LSM8: variants seen among roughly 807,000 people sequenced by gnomAD.
The protein encoded by LSM8 is LSM8 homolog, U6 small nuclear RNA associated.
In LSM8, 14 loss-of-function variants were observed where a neutral mutation model predicts 15.0. That is an observed-to-expected ratio of 0.93 (90% CI 0.62 to 1.46). LSM8 has a LOEUF of 1.46. Ranked by LOEUF, LSM8 falls within the 40% of genes most tolerant of loss-of-function variation. LSM8 has a pLI of 0.00. For synonymous variants in LSM8, 50 were observed against 42.1 expected (o/e 1.19, Z -0.73); for missense variants, 90 against 115.4 (o/e 0.78, Z 1.01).
intron 3 of LSM8, chr7:118,190,449 G>A (rs368602876): frequency 6.6e-6 from 1 of 152,128 alleles, no homozygotes; most frequent in Admixed American, 6.5e-5. Context: ...AAAGCATATT[G>A]TTATATTTTA....
chr7:118,192,213 T>A lies in LSM8; in HGVS notation c.*211T>A, dbSNP rs760199400. 2 of 368,472 alleles carry A rather than the reference T, an allele frequency of 5.4e-6. No individual in the cohort carries two copies. Among genetic ancestry groups the A allele is most frequent in the Non-Finnish European group, 4.8e-6 (1 of 206,712 alleles). The allele number at this position is 368,472 out of a possible 1,614,324, so 22.8% of individuals were successfully genotyped here. On this transcript the variant is annotated 3_prime_UTR_variant, in exon 4 of 4. Coordinates refer to ENST00000249299, the MANE Select transcript of LSM8 (RefSeq NM_016200.5). ...GTTTGGTAGCTTGGTTTCTTTTTTT[T>A]ATTAAATAGTGTGAAAATATAATGG... is the stretch of plus-strand genomic sequence containing the variant.
intron 1 of LSM8, 196 bp from the exon 2 acceptor site, chr7:118,185,458 C>G (rs1808870773): frequency 1.8e-6 from 1 of 553,966 alleles, no homozygotes; most frequent in African/African-American, 1.9e-5. Flanking sequence ...GTTGCCCAAG[C>G]TGGTCTCACC....
intron 2 of LSM8, 55 bp from the exon 3 acceptor site, chr7:118,188,223 C>T: frequency 6.3e-7 from 1 of 1,581,402 alleles, no homozygotes; most frequent in Non-Finnish European, 8.7e-7. Context: ...GTTAAATTTA[C>T]ACTTTCAGGT....
At chr7:118,184,486 ATT>A (rs1312896854) in intron 1 of LSM8, 6 of 437,828 alleles carry the variant, frequency 1.4e-5, no homozygotes, top group African/African-American at 2.1e-5. Flanking sequence ...ACCCAGTGTG[ATT>A]ATTCCGAACT....
chr7:118,188,178 G>T (rs920291320), intron 2 of LSM8, 100 bp from the exon 3 acceptor site: 11 of 1,333,750 alleles, frequency 8.2e-6, no homozygotes, highest in Non-Finnish European at 1.1e-5. Flanking sequence ...ATAGGTACTT[G>T]TATTGGAATA....
chr7:118,184,746 G>T (rs914018114), intron 1 of LSM8: 1 of 152,548 alleles, frequency 6.6e-6, no homozygotes, highest in South Asian at 2.0e-4. Context: ...GAAAAAAAAT[G>T]GTTGCTGTTG....
rs1809189898 is a variant in LSM8, at chr7:118,202,722, GA to G, written c.*10725del. The stretch of plus-strand genomic sequence containing the variant: ...CAAATAAAAAAAGGGTTGCTGTTAG[GA>G]AAAAGAGAAGAATGGGGATGGGGTG... On this transcript the variant is annotated 3_prime_UTR_variant, in exon 4 of 4. Coordinates refer to ENST00000249299, the MANE Select transcript of LSM8 (RefSeq NM_016200.5). Among the ~76,000 whole-genome samples the G allele has an allele frequency of 2.1e-5, 3 of 140,854 alleles. No individual in the cohort carries two copies. Among genetic ancestry groups the G allele is most frequent in the Admixed American group, 7.4e-5 (1 of 13,550 alleles). 92.4% of individuals were successfully genotyped at this position (140,854 alleles called of 152,430 possible).
In LSM8 at chr7:118,188,306, T is replaced by C; in HGVS notation, c.101T>C (p.Ile34Thr). 6.2e-7 allele frequency: 1 copy of C among 1,613,612 alleles called. No homozygotes were observed. Among genetic ancestry groups the C allele is most frequent in the African/African-American group, 1.3e-5 (1 of 75,038 alleles). The change falls in exon 3 of 4, where the codon ATT (isoleucine) becomes ACT (threonine). Residue 34 changes from isoleucine (I) to threonine (T), a missense_variant. Coordinates refer to ENST00000249299, the MANE Select transcript of LSM8 (RefSeq NM_016200.5). ...VGTLKGFDQT[I>T]NLILDESHER... ...ACACTGAAAGGTTTTGACCAGACCA[T>C]TAATTTGATTTTGGATGAAAGCCAT...
intron 1 of LSM8, 90 bp from the exon 2 acceptor site, chr7:118,185,564 A>G: frequency 3.4e-6 from 4 of 1,186,704 alleles, no homozygotes; most frequent in Non-Finnish European, 5.0e-6. Context: ...TAGTTGTCAT[A>G]TTTATTCTAA....
intron 1 of LSM8, 36 bp downstream of exon 1, chr7:118,184,290 G>T (rs531194145): frequency 6.2e-6 from 9 of 1,461,828 alleles, no homozygotes; most frequent in South Asian, 1.3e-5. Flanking sequence ...CGTGAGCCGG[G>T]GTCGCGGAGA....
rs936308237 is a variant in LSM8, at chr7:118,195,714, TATTAA to T, written c.*3721_*3725del. Among the ~76,000 whole-genome samples the T allele has an allele frequency of 2.7e-4, 41 of 152,240 alleles. No individual in the cohort carries two copies. Among genetic ancestry groups the T allele is most frequent in the African/African-American group, 9.6e-4 (40 of 41,468 alleles). ...TCATTACCTCATATAGATTTAATTTTATTAAATTAAATTTTACTTATTTTGGGTTT... is the reference window on the plus strand; with the variant it reads ...TCATTACCTCATATAGATTTAATTTTATTAAATTTTACTTATTTTGGGTTT... On this transcript the variant is annotated 3_prime_UTR_variant, in exon 4 of 4. Transcript: ENST00000249299.
Position 118,185,299 on chromosome 7 carries a change from G to T in LSM8, c.32-355G>T, listed in dbSNP as rs181153355. ...TTTGAGTCGAGGGTCTCACTCTGTT[G>T]CCCAGGCTGGAGTGCAGTGGCTTGA... On this transcript the variant is annotated intron_variant, in intron 1 of 3. Coordinates refer to ENST00000249299, the MANE Select transcript of LSM8 (RefSeq NM_016200.5). The T allele has an allele frequency of 1.5e-4, 24 of 158,982 alleles. No homozygotes were observed. The East Asian group carries it at 2.5e-3, about 16-fold the overall frequency. The allele number at this position is 158,982 out of a possible 1,614,324, so 9.8% of individuals were successfully genotyped here. A position where few individuals can be genotyped will look rare whatever the true frequency, so the allele number is the denominator to read the frequency against.
intron 2 of LSM8, among the ~76,000 whole-genome samples, chr7:118,186,501 G>C (rs1265706727): frequency 6.6e-6 from 1 of 151,358 alleles, no homozygotes; most frequent in East Asian, 1.9e-4. Flanking sequence ...TTTTTTCACT[G>C]GGTCCTTAGT....
chr7:118,197,616 T>G lies in LSM8; in HGVS notation c.*5614T>G, dbSNP rs1042579578. 4.6e-5 allele frequency among the ~76,000 whole-genome samples: 7 copies of G among 152,158 alleles called. No individual in the cohort carries two copies. Among genetic ancestry groups the G allele is most frequent in the Non-Finnish European group, 1.0e-4 (7 of 68,026 alleles). ...TTTTATTTTAAAATTTAAATTTTTA[T>G]TTTAAAAAATAGCTCTCTGAATCTG... On this transcript the variant is annotated 3_prime_UTR_variant, in exon 4 of 4. Transcript: ENST00000249299.
intron 2 of LSM8, 128 bp downstream of exon 2, chr7:118,185,822 G>GA: frequency 1.3e-6 from 1 of 777,388 alleles, no homozygotes; most frequent in Non-Finnish European, 2.1e-6. Context: ...TTATAATTCA[G>GA]CTCTTTATCA....
At chr7:118,185,576 A>C in intron 1 of LSM8, 78 bp from the exon 2 acceptor site, 1 of 1,287,882 alleles carries the variant, frequency 7.8e-7, no homozygotes, top group South Asian at 1.2e-5. Context: ...TTATTCTAAA[A>C]ATTCAAATCA....
chr7:118,202,708 AG>A lies in LSM8; in HGVS notation c.*10709del, dbSNP rs769048765. Among the ~76,000 whole-genome samples the A allele has an allele frequency of 6.6e-6, 1 of 150,462 alleles. No homozygotes were observed. The highest frequency in any genetic ancestry group is 2.5e-5 in the African/African-American group (1 of 40,814). ...ACATTTTGCCACTCCAAATAAAAAA[AG>A]GGTTGCTGTTAGGAAAAAGAGAAGA... On this transcript the variant is annotated 3_prime_UTR_variant, in exon 4 of 4. Transcript: ENST00000249299.
intron 1 of LSM8, 120 bp from the exon 2 acceptor site, chr7:118,185,534 C>A: frequency 1.2e-6 from 1 of 833,554 alleles, no homozygotes; most frequent in Non-Finnish European, 2.0e-6. Context: ...AACTTAGTGG[C>A]TGTGTTGAAT....
chr7:118,184,328 T>C, intron 1 of LSM8, 74 bp downstream of exon 1: 1 of 1,401,238 alleles, frequency 7.1e-7, no homozygotes, highest in Middle Eastern at 1.8e-4. Context: ...GGTGGGAGGT[T>C]GGGAGGCCTG....
Sources: gnomAD v4.1 joint callset for allele counts (sites outside exome capture counted in the v4.1 genomes callset) on GRCh38, gnomAD v4.1.1 for gene constraint, MANE v1.5 for transcripts, NCBI Gene and HGNC (gene_info 2026-07-23, HGNC 2026-07-21) for gene names.